The following ROBO2 variants were observed in gnomAD, a reference collection of about 807,000 sequenced individuals.
ROBO2 encodes roundabout homolog 2.
ROBO2 carries 53 observed loss-of-function variants against 160.8 expected under a neutral mutation model. The observed-to-expected ratio is 0.33, with a 90% CI of 0.26 to 0.41. The LOEUF (loss-of-function observed/expected upper bound fraction) is 0.41. Among genes scored for constraint, ROBO2 ranks in the 10% least tolerant of loss-of-function variants. The probability of loss-of-function intolerance (pLI) is 1.00; values close to 1 mark genes in which losing one functional copy is unlikely to be tolerated. For missense variants in ROBO2, 1,577 were observed against 1,722.4 expected (o/e 0.92, Z 1.49); for synonymous variants, 664 against 611.7 (o/e 1.09, Z -1.26).
At chr3:76,457,174 A>G (rs1406551600) in intron 2 of ROBO2, among the ~76,000 whole-genome samples, 2 of 152,276 alleles carry the variant, frequency 1.3e-5, no homozygotes, top group African/African-American at 4.8e-5. Flanking sequence ...CCACAGTCCA[A>G]AGTCTCATCT....
rs376087205 is a variant in ROBO2 at position 76,946,229 on chromosome 3, G to A, written c.110-151785G>A. ...CTTGAATTATGAGGTTTTATGCACT[G>A]ACCAGCCATATAATAACTATCCCCA... On this transcript the variant is annotated intron_variant, in intron 2 of 26. Coordinates refer to the ROBO2 transcript ENST00000487694. Among the ~76,000 whole-genome samples the A allele has an allele frequency of 3.3e-5, 5 of 152,054 alleles. No individual in the cohort carries two copies. The East Asian group carries it at 9.7e-4, about 29-fold the overall frequency.
intron 2 of ROBO2, among the ~76,000 whole-genome samples, chr3:76,154,170 G>GC (rs1322868317): frequency 6.6e-6 from 1 of 152,122 alleles, no homozygotes; most frequent in African/African-American, 2.4e-5. Context: ...CCGCGCTTTG[G>GC]TAACGTTGTT....
At chr3:77,377,272 C>A (rs1312011368) in intron 2 of ROBO2, among the ~76,000 whole-genome samples, 2 of 152,132 alleles carry the variant, frequency 1.3e-5, no homozygotes, top group Admixed American at 6.5e-5. Flanking sequence ...GTTCCCCTAG[C>A]CCATCCATTG....
chr3:77,059,378 AT>A (rs1400058334), intron 1 of ROBO2, among the ~76,000 whole-genome samples: 1 of 152,228 alleles, frequency 6.6e-6, no homozygotes, highest in African/African-American at 2.4e-5. Flanking sequence ...GTACATTTAA[AT>A]TTCAAGCAGT....
At position 77,522,898 on chromosome 3, in the gene ROBO2, C is replaced by A. The variant is rs370244031; in HGVS notation, c.930C>A (p.Val310=). The change falls in exon 6 of 26, where the codon GTC becomes GTA. Residue 310 remains valine (V), a synonymous_variant. Coordinates refer to ENST00000461745, the Ensembl canonical transcript of ROBO2. ...TGGAAGCCTCTGCTACACTCACCGTCCGAGGTAAGAGATTTAAGATGTCAA... is the reference window on the plus strand; with the variant it reads ...TGGAAGCCTCTGCTACACTCACCGTACGAGGTAAGAGATTTAAGATGTCAA... The A allele has an allele frequency of 1.9e-6, 3 of 1,608,932 alleles. No individual in the cohort carries two copies. The South Asian group carries it at 3.3e-5, about 18-fold the overall frequency.
intron 2 of ROBO2, among the ~76,000 whole-genome samples, chr3:77,019,511 A>G (rs2062491908): frequency 6.6e-6 from 1 of 152,180 alleles, no homozygotes; most frequent in Non-Finnish European, 1.5e-5. Flanking sequence ...TAAGGCAGGA[A>G]GAAGAGCTCC....
At chr3:76,634,088 T>A (rs548640056) in intron 2 of ROBO2, among the ~76,000 whole-genome samples, 1 of 152,366 alleles carries the variant, frequency 6.6e-6, no homozygotes, top group African/African-American at 2.4e-5. Context: ...ATTGGATGGC[T>A]TAAACAACAG....
chr3:77,180,256 C>T (rs2080590015), intron 2 of ROBO2, among the ~76,000 whole-genome samples: 1 of 151,654 alleles, frequency 6.6e-6, no homozygotes, highest in Non-Finnish European at 1.5e-5. Flanking sequence ...AAAAAAACAC[C>T]TCATTTGAAT....
intron 2 of ROBO2, among the ~76,000 whole-genome samples, chr3:76,412,122 G>A (rs12107617): frequency 8.5e-5 from 13 of 152,260 alleles, no homozygotes; most frequent in African/African-American, 1.7e-4. Flanking sequence ...AAATGAGGAA[G>A]AAGCAAAAGC....
At chr3:76,295,872 G>C (rs1430209025) in intron 2 of ROBO2, among the ~76,000 whole-genome samples, 1 of 152,028 alleles carries the variant, frequency 6.6e-6, no homozygotes, top group Non-Finnish European at 1.5e-5. Context: ...AAAACTTATA[G>C]TTTTCATCAC....
chr3:76,574,077 T>C (rs2108630853), intron 2 of ROBO2, among the ~76,000 whole-genome samples: 1 of 152,280 alleles, frequency 6.6e-6, no homozygotes, highest in East Asian at 1.9e-4. Flanking sequence ...GTTATCTTGT[T>C]CATCATTTAA....
chr3:76,427,824 A>C (rs1184490209), intron 2 of ROBO2, among the ~76,000 whole-genome samples: 1 of 152,120 alleles, frequency 6.6e-6, no homozygotes, highest in Non-Finnish European at 1.5e-5. Flanking sequence ...ATTTCTTCCA[A>C]GAATCTGTTT....
At chr3:77,248,777 CTT>C (rs56271044) in intron 2 of ROBO2, among the ~76,000 whole-genome samples, 43,414 of 141,502 alleles carry the variant, frequency 0.31, 7,143 homozygotes, top group Non-Finnish European at 0.38. Flanking sequence ...ATCACTTGCT[CTT>C]TTTTTTTTTT....
At chr3:76,126,015 C>G (rs146398938) in intron 2 of ROBO2, among the ~76,000 whole-genome samples, 1,914 of 152,108 alleles carry the variant, frequency 0.013, 39 homozygotes, top group African/African-American at 0.041. Context: ...TTAGTAGAGA[C>G]GAGGTTTCAC....
At chr3:76,264,648 A>T (rs1289591685) in intron 2 of ROBO2, among the ~76,000 whole-genome samples, 1 of 152,096 alleles carries the variant, frequency 6.6e-6, no homozygotes, top group East Asian at 1.9e-4. Context: ...AAATCACTTG[A>T]TTCAATTTTT....
At chr3:76,218,471 G>T (rs1282329769) in intron 2 of ROBO2, among the ~76,000 whole-genome samples, 1 of 152,118 alleles carries the variant, frequency 6.6e-6, no homozygotes, top group East Asian at 1.9e-4. Context: ...AAAGTCTCAG[G>T]ATACAAAATC....
intron 2 of ROBO2, among the ~76,000 whole-genome samples, chr3:76,540,444 T>C (rs553717264): frequency 1.3e-5 from 2 of 152,326 alleles, no homozygotes; most frequent in East Asian, 1.9e-4. Context: ...CCTTTGCTCA[T>C]TGAAAAATAT....
At chr3:77,233,738 A>C (rs955819107) in intron 2 of ROBO2, among the ~76,000 whole-genome samples, 5 of 152,302 alleles carry the variant, frequency 3.3e-5, no homozygotes, top group Non-Finnish European at 7.4e-5. Flanking sequence ...TGATGTTTAT[A>C]TCAATTTAGA....
chr3:77,444,708 T>G (rs1454908681), intron 2 of ROBO2, among the ~76,000 whole-genome samples: 3 of 152,186 alleles, frequency 2.0e-5, no homozygotes, highest in Admixed American at 2.0e-4. Context: ...AAATCCTATG[T>G]GGGAAAAAAG....
Sources: allele counts gnomAD v4.1 joint callset (sites outside exome capture counted in the v4.1 genomes callset), GRCh38; gene constraint gnomAD v4.1.1; transcripts MANE v1.5; gene names NCBI Gene and HGNC (gene_info 2026-07-23, HGNC 2026-07-21).